Variants in FGGY observed in about 807,000 individuals in gnomAD.
FGGY encodes FGGY carbohydrate kinase domain-containing protein.
In FGGY, 72 loss-of-function variants were observed where a neutral mutation model predicts 71.3. The observed-to-expected ratio is 1.01, with a 90% CI of 0.84 to 1.23. The LOEUF (loss-of-function observed/expected upper bound fraction) is 1.23. Ranked by LOEUF, FGGY falls within the 50% of genes most tolerant of loss-of-function variation. The pLI, the probability that FGGY is intolerant of heterozygous loss-of-function variation, is 0.00. For synonymous variants in FGGY, 251 were observed against 250.3 expected, an observed-to-expected ratio of 1.00 and a Z score of -0.02; for missense variants, 668 against 682.3, an observed-to-expected ratio of 0.98 and a Z score of 0.23.
chr1:59,714,322 G>A (rs2097825573), intron 14 of FGGY, among the ~76,000 whole-genome samples: 1 of 152,156 alleles, frequency 6.6e-6, no homozygotes, highest in Non-Finnish European at 1.5e-5. Flanking sequence ...CCTGGGTTGG[G>A]TGCCAGCATG....
At chr1:59,584,982 A>C (rs1383775509) in intron 8 of FGGY, among the ~76,000 whole-genome samples, 2 of 152,120 alleles carry the variant, frequency 1.3e-5, no homozygotes, top group Non-Finnish European at 2.9e-5. Context: ...GGACCTCATC[A>C]AGGAGAACTA....
intron 8 of FGGY, among the ~76,000 whole-genome samples, chr1:59,554,568 G>T (rs1432303902): frequency 6.6e-6 from 1 of 152,126 alleles, no homozygotes; most frequent in African/African-American, 2.4e-5. Flanking sequence ...GGGTAGCGGG[G>T]TCTTCTCGGC....
At chr1:59,349,043 G>T (rs79780279) in intron 4 of FGGY, among the ~76,000 whole-genome samples, 1 of 152,058 alleles carries the variant, frequency 6.6e-6, no homozygotes, top group African/African-American at 2.4e-5. Context: ...TGCGCTGCCC[G>T]GTACCCTGCT....
At chr1:59,384,667 C>G (rs1323817017) in intron 5 of FGGY, among the ~76,000 whole-genome samples, 5 of 152,152 alleles carry the variant, frequency 3.3e-5, no homozygotes, top group Admixed American at 2.6e-4. Context: ...GTTTCAGTGT[C>G]TCCATCATGT....
rs201033752 is a variant in FGGY at position 59,458,506 on chromosome 1, ATTATTT to A, written c.670+1435_670+1440del. On this transcript the variant is annotated intron_variant, in intron 6 of 15. Coordinates refer to ENST00000303721, the MANE Select transcript of FGGY (RefSeq NM_018291.5). Reference sequence around the variant, plus strand: ...GTATAACTTCAACTCTGATTTTCTGATTATTTTTATATTTTTCTGCTCCTCTTTCCT... The same window carrying A: ...GTATAACTTCAACTCTGATTTTCTGATTATATTTTTCTGCTCCTCTTTCCT... 3.3e-5 allele frequency among the ~76,000 whole-genome samples: 5 copies of A among 152,200 alleles called. No homozygotes were observed. The East Asian group carries it at 9.7e-4, about 29-fold the overall frequency.
intron 13 of FGGY, among the ~76,000 whole-genome samples, chr1:59,672,702 GA>G (rs2097392788): frequency 6.6e-6 from 1 of 152,186 alleles, no homozygotes; most frequent in Non-Finnish European, 1.5e-5. Context: ...GAAGTAATGG[GA>G]TGTAGAGAGA....
At chr1:59,691,303 G>A (rs1056488198) in intron 14 of FGGY, among the ~76,000 whole-genome samples, 5 of 152,182 alleles carry the variant, frequency 3.3e-5, no homozygotes, top group African/African-American at 1.2e-4. Flanking sequence ...AGAAAAGCAG[G>A]TTGGAGGGCC....
chr1:59,552,679 C>G lies in FGGY; in HGVS notation c.800-1445C>G, dbSNP rs556677410. 5.3e-5 allele frequency among the ~76,000 whole-genome samples: 8 copies of G among 152,240 alleles called. No individual in the cohort carries two copies. In the South Asian group the frequency reaches 1.7e-3, roughly 32 times the overall value. ...GTATAGACTGAACTTCCTTGGGCCC[C>G]TATAGGTGGGTTAGCTGCCTTTGTG... On this transcript the variant is annotated intron_variant, in intron 7 of 15. Coordinates refer to ENST00000303721, the MANE Select transcript of FGGY (RefSeq NM_018291.5).
At chr1:59,371,357 C>A (rs1330192729) in intron 4 of FGGY, among the ~76,000 whole-genome samples, 1 of 152,126 alleles carries the variant, frequency 6.6e-6, no homozygotes, top group Admixed American at 6.5e-5. Flanking sequence ...GAAGAGCTAA[C>A]TCTCCTAAAT....
chr1:59,704,773 G>GA (rs1286177492), intron 14 of FGGY, among the ~76,000 whole-genome samples: 2 of 152,136 alleles, frequency 1.3e-5, no homozygotes, highest in African/African-American at 2.4e-5. Flanking sequence ...ATACAAATAT[G>GA]AGGACTTCTT....
intron 5 of FGGY, among the ~76,000 whole-genome samples, chr1:59,418,979 C>T (rs1012080625): frequency 6.6e-6 from 1 of 151,998 alleles, no homozygotes; most frequent in Non-Finnish European, 1.5e-5. Context: ...CCAGAAGGGG[C>T]CTGGCATACT....
At chr1:59,741,738 C>T (rs996250443) in intron 14 of FGGY, among the ~76,000 whole-genome samples, 4 of 152,118 alleles carry the variant, frequency 2.6e-5, no homozygotes, top group Admixed American at 6.5e-5. Context: ...AGATCAAGAC[C>T]GTCCTGGCTA....
intron 11 of FGGY, among the ~76,000 whole-genome samples, chr1:59,639,701 A>G (rs946841889): frequency 6.6e-6 from 1 of 152,232 alleles, no homozygotes; most frequent in South Asian, 2.1e-4. Flanking sequence ...AAGCTTGACC[A>G]GTGTTTTAAA....
intron 13 of FGGY, among the ~76,000 whole-genome samples, chr1:59,668,718 C>T (rs1320873929): frequency 1.3e-5 from 2 of 152,068 alleles, no homozygotes; most frequent in African/African-American, 4.8e-5. Context: ...CACGGTGGCT[C>T]ACGCCTGTGA....
At chr1:59,517,837 G>A (rs1017242995) in intron 7 of FGGY, among the ~76,000 whole-genome samples, 4 of 152,198 alleles carry the variant, frequency 2.6e-5, no homozygotes, top group African/African-American at 7.2e-5. Context: ...CATGAGGAAC[G>A]GATATTACAA....
intron 14 of FGGY, among the ~76,000 whole-genome samples, chr1:59,748,726 T>TA (rs914264899): frequency 3.3e-5 from 5 of 152,156 alleles, no homozygotes; most frequent in Admixed American, 2.6e-4. Context: ...ACACAGCTTC[T>TA]AAAATTCTTG....
At position 59,466,924 on chromosome 1, in the gene FGGY, C is replaced by T. The variant is rs930667549; in HGVS notation, c.670+9848C>T. Among the ~76,000 whole-genome samples the T allele has an allele frequency of 3.2e-4, 49 of 152,110 alleles. 1 individual carries two copies. The highest frequency in any genetic ancestry group is 2.9e-3 in the Admixed American group (45 of 15,270). Reference sequence around the variant, plus strand: ...TGGTGGTAGTGTAAACTAGTTCAACCATTGTGGAAGATAGTGTGGCAATTC... The same window carrying T: ...TGGTGGTAGTGTAAACTAGTTCAACTATTGTGGAAGATAGTGTGGCAATTC... On this transcript the variant is annotated intron_variant, in intron 6 of 15. Transcript: ENST00000303721.
At position 59,425,802 on chromosome 1, in the gene FGGY, A is replaced by G. The variant is rs2066263876; in HGVS notation, c.555-31159A>G. The stretch of plus-strand genomic sequence containing the variant: ...GAATTTACTGTTCCCTTTGACAGAC[A>G]TTCTTTTCCTCTGGCTCTTTTCATT... On this transcript the variant is annotated intron_variant, in intron 5 of 15. Transcript: ENST00000303721. Among the ~76,000 whole-genome samples, 4 of 152,218 alleles carry G rather than the reference A, an allele frequency of 2.6e-5. No individual in the cohort carries two copies. The South Asian group carries it at 8.3e-4, about 32-fold the overall frequency.
intron 7 of FGGY, among the ~76,000 whole-genome samples, chr1:59,524,139 G>A (rs569707239): frequency 6.6e-6 from 1 of 152,380 alleles, no homozygotes; most frequent in Admixed American, 6.5e-5. Flanking sequence ...TGCCTGCTCT[G>A]GAGTGGGGCA....
Sources: allele counts gnomAD v4.1 joint callset (sites outside exome capture counted in the v4.1 genomes callset), GRCh38; gene constraint gnomAD v4.1.1; transcripts MANE v1.5; gene names NCBI Gene and HGNC (gene_info 2026-07-23, HGNC 2026-07-21).